GPR149: variants seen among roughly 807,000 people sequenced by gnomAD.
GPR149 encodes the protein G protein-coupled receptor 149, also known as probable G protein-coupled receptor 149.
A neutral mutation model predicts 50.2 loss-of-function variants in GPR149; 50 were observed. The observed-to-expected ratio is 1.00, with a 90% CI of 0.79 to 1.26. The LOEUF (loss-of-function observed/expected upper bound fraction) is 1.26, where lower values mean the gene tolerates loss of function less well. GPR149 is among the 50% of genes most tolerant of loss of function. The pLI, the probability that GPR149 is intolerant of heterozygous loss-of-function variation, is 0.00. For missense variants in GPR149, 983 were observed against 895.4 expected (o/e 1.10, Z -1.25); for synonymous variants, 405 against 358.2 (o/e 1.13, Z -1.48).
chr3:154,384,663 A>G (rs2108408565), intron 3 of GPR149, among the ~76,000 whole-genome samples: 1 of 152,356 alleles, frequency 6.6e-6, no homozygotes, highest in Non-Finnish European at 1.5e-5. Flanking sequence ...ACAGGCAAAG[A>G]GCCTGCTCAC....
rs1358656548 is a variant in GPR149 at position 154,421,311 on chromosome 3, C to T, written c.1351G>A (p.Ala451Thr). 5 of 1,613,256 alleles carry T rather than the reference C, an allele frequency of 3.1e-6. No individual in the cohort carries two copies. In the African/African-American group the frequency reaches 5.3e-5, roughly 17 times the overall value. ...GTGGTGCTGATTTCTACTTTTATAG[C>T]ATTGAAGATGTTACGGTTGTCTCTC... ...PQRDNRNIFNAIKVEISTTPS... is the reference protein window; with the variant it reads ...PQRDNRNIFNTIKVEISTTPS... Residue 451 changes from alanine to threonine, a missense_variant, in exon 3 of 4, where the codon GCT (alanine) becomes ACT (threonine). By Grantham distance (58) the Ala-to-Thr change is moderately conservative. Transcript: ENST00000389740.
At chr3:154,394,783 G>T (rs1402203181) in intron 3 of GPR149, among the ~76,000 whole-genome samples, 1 of 152,056 alleles carries the variant, frequency 6.6e-6, no homozygotes, top group Non-Finnish European at 1.5e-5. Flanking sequence ...TTAGTCCAAA[G>T]AAGACATACA....
chr3:154,418,319 A>G (rs1290517475), intron 3 of GPR149, among the ~76,000 whole-genome samples: 1 of 104,452 alleles, frequency 9.6e-6, no homozygotes, highest in Admixed American at 9.4e-5. Context: ...TACTGGGTAT[A>G]TACCCAAAGG....
At chr3:154,353,965 A>C in intron 3 of GPR149, 1 of 484,336 alleles carries the variant, frequency 2.1e-6, no homozygotes. Context: ...CTAGTTTATT[A>C]TCACTTGATT....
At chr3:154,420,099 T>G (rs1254149768) in intron 3 of GPR149, among the ~76,000 whole-genome samples, 1 of 152,026 alleles carries the variant, frequency 6.6e-6, no homozygotes, top group Non-Finnish European at 1.5e-5. Context: ...TATTTATAGT[T>G]GGTGTTATAT....
chr3:154,347,518 T>C (rs1016339679), intron 3 of GPR149, among the ~76,000 whole-genome samples: 1 of 152,214 alleles, frequency 6.6e-6, no homozygotes, highest in African/African-American at 2.4e-5. Context: ...GTGGGGATTA[T>C]GGGAACTACA....
At chr3:154,352,322 G>A in intron 3 of GPR149, 1 of 985,122 alleles carries the variant, frequency 1.0e-6, no homozygotes, top group South Asian at 1.5e-5. Context: ...TCCTCCGTTG[G>A]GGATTAGAAG....
At chr3:154,394,560 A>G (rs1474724789) in intron 3 of GPR149, among the ~76,000 whole-genome samples, 1 of 152,120 alleles carries the variant, frequency 6.6e-6, no homozygotes, top group Admixed American at 6.6e-5. Context: ...TGAAACTAAA[A>G]AGCTTTTGTC....
rs113283499 is a variant in GPR149, at chr3:154,368,681, G to C, written c.1624-30410C>G. ...AGGATACTGGTACTGCCTTAAGAGA[G>C]GGGCTTACTCCTTTGATGGCAAGTG... On this transcript the variant is annotated intron_variant, in intron 3 of 3. Coordinates refer to ENST00000389740, the MANE Select transcript of GPR149 (RefSeq NM_001038705.3). Among the ~76,000 whole-genome samples, 992 of 152,292 alleles carry C rather than the reference G, an allele frequency of 6.5e-3. 11 individuals carry two copies. The highest frequency in any genetic ancestry group is 0.023 in the African/African-American group (938 of 41,544).
rs1467169882 is a variant in GPR149, at chr3:154,337,389, T to C, written c.*310A>G. Among the ~76,000 whole-genome samples the C allele has an allele frequency of 6.6e-6, 1 of 152,208 alleles. No homozygotes were observed. The highest frequency in any genetic ancestry group is 1.5e-5 in the Non-Finnish European group (1 of 68,024). The stretch of plus-strand genomic sequence containing the variant: ...TATATTCACTGAGTTTATACAATTT[T>C]CTGTTTACTAGGAAGTTGACAAGCA... On this transcript the variant is annotated 3_prime_UTR_variant, in exon 4 of 4. Coordinates refer to ENST00000389740, the MANE Select transcript of GPR149 (RefSeq NM_001038705.3).
chr3:154,378,085 C>CA (rs1308467842), intron 3 of GPR149, among the ~76,000 whole-genome samples: 4 of 71,776 alleles, frequency 5.6e-5, no homozygotes, highest in African/African-American at 2.8e-4. Context: ...ATATCCCCCC[C>CA]CCCTTTTTTT....
rs114208080 is a variant in GPR149, at chr3:154,351,478, A to G, written c.1624-13207T>C. ...AAAATCTTTGAGATCTAAGGCTAGG[A>G]AGGGGTTATTAGACTTGACACAAAA... On this transcript the variant is annotated intron_variant, in intron 3 of 3. Transcript: ENST00000389740. Among the ~76,000 whole-genome samples, 446 of 152,218 alleles carry G rather than the reference A, an allele frequency of 2.9e-3. 3 individuals are homozygous for G. Among genetic ancestry groups the G allele is most frequent in the African/African-American group, 0.01 (435 of 41,550 alleles).
chr3:154,399,515 A>C (rs1469755934), intron 3 of GPR149, among the ~76,000 whole-genome samples: 4 of 152,154 alleles, frequency 2.6e-5, no homozygotes, highest in Non-Finnish European at 5.9e-5. Flanking sequence ...TAAGCTTGTA[A>C]TCCTTCTTTC....
chr3:154,416,596 A>C (rs888179900), intron 3 of GPR149, among the ~76,000 whole-genome samples: 1 of 151,918 alleles, frequency 6.6e-6, no homozygotes, highest in South Asian at 2.1e-4. Context: ...GCTGCTACTA[A>C]ACTCTGTTAA....
chr3:154,394,170 C>T (rs891007908), intron 3 of GPR149, among the ~76,000 whole-genome samples: 1 of 151,980 alleles, frequency 6.6e-6, no homozygotes, highest in Non-Finnish European at 1.5e-5. Flanking sequence ...AAATACATTA[C>T]AAGGCTATAG....
chr3:154,345,556 A>G (rs1276924719), intron 3 of GPR149, among the ~76,000 whole-genome samples: 1 of 152,194 alleles, frequency 6.6e-6, no homozygotes, highest in Non-Finnish European at 1.5e-5. Context: ...GGTAATAAAG[A>G]GCAGTCTTTA....
At chr3:154,354,289 A>G (rs1281529118) in intron 3 of GPR149, 2 of 367,430 alleles carry the variant, frequency 5.4e-6, no homozygotes, top group Admixed American at 8.0e-5. Flanking sequence ...TTAAATCTTC[A>G]TAACAACCCT....
chr3:154,402,977 AAACATATT>A (rs2108419173), intron 3 of GPR149, among the ~76,000 whole-genome samples: 2 of 152,356 alleles, frequency 1.3e-5, no homozygotes, highest in East Asian at 3.9e-4. Context: ...GAGGGAGGAA[AAACATATT>A]GATTGCAAGG....
At chr3:154,351,424 C>G (rs902150510) in intron 3 of GPR149, among the ~76,000 whole-genome samples, 5 of 138,212 alleles carry the variant, frequency 3.6e-5, no homozygotes, top group African/African-American at 1.3e-4. Flanking sequence ...AAATGTAAAA[C>G]TAAAAATTTT....
Sources: gnomAD v4.1 joint callset for allele counts (sites outside exome capture counted in the v4.1 genomes callset) on GRCh38, gnomAD v4.1.1 for gene constraint, MANE v1.5 for transcripts, NCBI Gene and HGNC (gene_info 2026-07-23, HGNC 2026-07-21) for gene names.